Variants in ISG20L2 observed in about 807,000 individuals in gnomAD.
ISG20L2 encodes the protein interferon-stimulated 20 kDa exonuclease-like 2.
In ISG20L2, 14 loss-of-function variants were observed where a neutral mutation model predicts 27.8. The ratio of observed to expected loss-of-function variants is 0.50; its 90% confidence interval spans 0.33 to 0.79. ISG20L2 has a LOEUF of 0.79. Among genes scored for constraint, ISG20L2 ranks in the 30% least tolerant of loss-of-function variants. The pLI, the probability that ISG20L2 is intolerant of heterozygous loss-of-function variation, is 0.02. For missense variants in ISG20L2, 393 were observed against 435.1 expected, an observed-to-expected ratio of 0.90 and a Z score of 0.86; for synonymous variants, 157 against 165.7, an observed-to-expected ratio of 0.95 and a Z score of 0.40.
At chr1:156,726,865 C>T (rs1454780519) in intron 2 of ISG20L2, 41 bp downstream of exon 2, 3 of 1,578,350 alleles carry the variant, frequency 1.9e-6, no homozygotes, top group Non-Finnish European at 2.6e-6. Flanking sequence ...AGACCTCTCT[C>T]CATCCACCTC....
chr1:156,724,543 G>A, intron 2 of ISG20L2, 195 bp from the exon 3 acceptor site: 1 of 1,394,538 alleles, frequency 7.2e-7, no homozygotes, highest in Non-Finnish European at 9.3e-7. Flanking sequence ...TGATTTCCAT[G>A]GTATACCCTG....
intron 2 of ISG20L2, chr1:156,725,350 C>A (rs1648706231): frequency 6.6e-6 from 1 of 152,214 alleles, no homozygotes; most frequent in African/African-American, 2.4e-5. Context: ...ACCTCAAACT[C>A]CTGAGTAGCT....
chr1:156,727,229 G>A lies in ISG20L2; in HGVS notation c.424C>T (p.Gln142Ter). The A allele has an allele frequency of 1.2e-6, 2 of 1,613,972 alleles. No homozygotes were observed. The highest frequency in any genetic ancestry group is 1.1e-5 in the South Asian group (1 of 91,084). The change falls in exon 2 of 4, where the codon CAG (glutamine) becomes TAG (stop). Residue 142 changes from glutamine to a stop codon, truncating the protein, a stop_gained. Transcript: ENST00000368219. LOFTEE classifies it high-confidence loss of function. Reference protein sequence around the residue: ...HPTRSQKKSSQKKSSKKNHPQ... With the variant: ...HPTRSQKKSS ...TGGTTCTTTTTAGAGGATTTCTTCT[G>A]GGAGCTCTTCTTCTGAGAGCGGGTT...
At chr1:156,728,087 A>G in intron 1 of ISG20L2, 1 of 997,024 alleles carries the variant, frequency 1.0e-6, no homozygotes, top group Non-Finnish European at 1.2e-6. Flanking sequence ...AGGCTAGAAC[A>G]CGTGCGATCT....
chr1:156,724,391 A>G (rs1387529204), intron 2 of ISG20L2, 43 bp from the exon 3 acceptor site: 2 of 1,542,446 alleles, frequency 1.3e-6, no homozygotes, highest in East Asian at 2.3e-5. Context: ...GGAAGACTGA[A>G]GTGGAACCCC....
intron 2 of ISG20L2, chr1:156,726,433 G>GT (rs1455695904): frequency 4.7e-5 from 46 of 983,876 alleles, no homozygotes; most frequent in Admixed American, 6.2e-5. Flanking sequence ...TTTTTTGTTT[G>GT]TTTTTTTGAG....
intron 2 of ISG20L2, chr1:156,726,142 T>C: frequency 1.0e-6 from 1 of 985,458 alleles, no homozygotes; most frequent in Non-Finnish European, 1.2e-6. Flanking sequence ...CGTTCACTGG[T>C]TACCTGTTCC....
At chr1:156,726,561 CT>C (rs1427019150) in intron 2 of ISG20L2, 8 of 795,384 alleles carry the variant, frequency 1.0e-5, no homozygotes, top group Non-Finnish European at 1.2e-5. Flanking sequence ...ACTTGGCTAA[CT>C]TTTTTGTAGA....
rs891047620 is a variant in ISG20L2, at chr1:156,728,727, G to T, written c.-430C>A. On this transcript the variant is annotated 5_prime_UTR_variant, in exon 1 of 4. Transcript: ENST00000368219. ...CGATAAACCGGAACTGCAGCCCGCC[G>T]GACACCTCCGGCTTCACTTCCGTAA... 230 of 999,936 alleles carry T rather than the reference G, an allele frequency of 2.3e-4. No individual in the cohort carries two copies. The highest frequency in any genetic ancestry group is 2.5e-4 in the Non-Finnish European group (208 of 839,046). The allele number at this position is 999,936 out of a possible 1,614,324, so 61.9% of individuals were successfully genotyped here.
In ISG20L2 at chr1:156,727,390, G is replaced by A. The variant is rs985276730; in HGVS notation, c.263C>T (p.Ser88Leu). Residue 88 changes from serine (S) to leucine (L), a missense_variant, in exon 2 of 4, where the codon TCA becomes TTA. By Grantham distance (145) the Ser-to-Leu change is moderately radical. Transcript: ENST00000368219. ...KKKTAASSNG[S>L]GQPLDKKAAV... The stretch of plus-strand genomic sequence containing the variant: ...AGCTTTCTTGTCCAGGGGCTGTCCT[G>A]ACCCATTGCTGGAAGCAGCTGTCTT... 6.2e-7 allele frequency: 1 copy of A among 1,614,182 alleles called. No homozygotes were observed. Among genetic ancestry groups the A allele is most frequent in the Non-Finnish European group, 8.5e-7 (1 of 1,180,030 alleles).
chr1:156,724,369 G>A (rs1214413117), intron 2 of ISG20L2, 21 bp from the exon 3 acceptor site: 2 of 1,589,502 alleles, frequency 1.3e-6, no homozygotes, highest in Admixed American at 3.4e-5. Flanking sequence ...TGTGGGAAGA[G>A]AGTGGTGAGA....
intron 3 of ISG20L2, chr1:156,723,898 G>A: frequency 7.6e-7 from 1 of 1,324,286 alleles, no homozygotes; most frequent in Non-Finnish European, 9.7e-7. Flanking sequence ...GACCACCACT[G>A]CTACCTGCTT....
At position 156,728,539 on chromosome 1, in the gene ISG20L2, C is replaced by CCCGCA; in HGVS notation, c.-247_-243dup. The CCCGCA allele has an allele frequency of 1.0e-6, 1 of 985,658 alleles. No homozygotes were observed. Among genetic ancestry groups the CCCGCA allele is most frequent in the Non-Finnish European group, 1.2e-6 (1 of 829,922 alleles). The allele number at this position is 985,658 out of a possible 1,614,324, so 61.1% of individuals were successfully genotyped here. On this transcript the variant is annotated 5_prime_UTR_variant, in exon 1 of 4. Transcript: ENST00000368219. Reference sequence around the variant, plus strand: ...CGCGCCAGAGGTCGGCGCGCGCACACCCGCACCGCCCCGACCCCAGGTAGT... The same window carrying CCCGCA: ...CGCGCCAGAGGTCGGCGCGCGCACACCCGCACCGCACCGCCCCGACCCCAGGTAGT...
At position 156,727,391 on chromosome 1, in the gene ISG20L2, A is replaced by T. The variant is rs747722488; in HGVS notation, c.262T>A (p.Ser88Thr). ...KKKTAASSNG[S>T]GQPLDKKAAV... ...GCTTTCTTGTCCAGGGGCTGTCCTGACCCATTGCTGGAAGCAGCTGTCTTC... is the reference window on the plus strand; with the variant it reads ...GCTTTCTTGTCCAGGGGCTGTCCTGTCCCATTGCTGGAAGCAGCTGTCTTC... Residue 88 changes from serine (S) to threonine (T), a missense_variant, in exon 2 of 4, where the codon TCA (serine) becomes ACA (threonine). Transcript: ENST00000368219. The T allele has an allele frequency of 1.0e-4, 165 of 1,613,982 alleles. No individual in the cohort carries two copies. The highest frequency in any genetic ancestry group is 1.3e-4 in the Non-Finnish European group (159 of 1,180,022).
chr1:156,725,706 C>G, intron 2 of ISG20L2: 2 of 201,612 alleles, frequency 9.9e-6, no homozygotes, highest in Non-Finnish European at 8.8e-6. Flanking sequence ...TCTTATTAAC[C>G]TCGACATATA....
At chr1:156,726,753 C>T in intron 2 of ISG20L2, 153 bp downstream of exon 2, 1 of 985,440 alleles carries the variant, frequency 1.0e-6, no homozygotes, top group Middle Eastern at 5.2e-4. Flanking sequence ...ACTGCTTCTT[C>T]CACCGACAGG....
At chr1:156,724,551 C>G in intron 2 of ISG20L2, 1 of 1,373,970 alleles carries the variant, frequency 7.3e-7, no homozygotes, top group East Asian at 2.7e-5. Flanking sequence ...ATGGTATACC[C>G]TGTTTGGACT....
Position 156,727,458 on chromosome 1 carries a change from A to G in ISG20L2, c.195T>C (p.Pro65=). 1.9e-6 allele frequency: 3 copies of G among 1,613,974 alleles called. No individual in the cohort carries two copies. The highest frequency in any genetic ancestry group is 2.5e-6 in the Non-Finnish European group (3 of 1,179,984). Residue 65 remains proline (P), a synonymous_variant, in exon 2 of 4, where the codon CCT becomes CCC. Transcript: ENST00000368219. Reference sequence around the variant, plus strand: ...GGGTCTTCCAAGTGCCATCGACCGTAGGAGTTTCCCCTTTCTTTGAAGGTT... The same window carrying G: ...GGGTCTTCCAAGTGCCATCGACCGTGGGAGTTTCCCCTTTCTTTGAAGGTT... ...HSEPSKKGET[P]TVDGTWKTPS...
At position 156,727,518 on chromosome 1, in the gene ISG20L2, G is replaced by C. The variant is rs1481442327; in HGVS notation, c.135C>G (p.Asn45Lys). 1 of 1,614,118 alleles carries C rather than the reference G, an allele frequency of 6.2e-7. No individual in the cohort carries two copies. The highest frequency in any genetic ancestry group is 1.7e-5 in the Admixed American group (1 of 60,020). The change falls in exon 2 of 4, where the codon AAC (asparagine) becomes AAG (lysine). Residue 45 changes from asparagine to lysine, a missense_variant. This residue lies in a region of ISG20L2 where 183 missense variants were observed against 168.2 expected (regional missense o/e 1.09). Coordinates refer to ENST00000368219, the MANE Select transcript of ISG20L2 (RefSeq NM_001370150.2). ...ACTTAGGCGCCTTGCTAGGGGGTTGGTTCTTTTTACTCAGAAAGCCTCTCC... is the reference window on the plus strand; with the variant it reads ...ACTTAGGCGCCTTGCTAGGGGGTTGCTTCTTTTTACTCAGAAAGCCTCTCC... ...LERRGFLSKK[N>K]QPPSKAPKLH...
Sources: allele counts gnomAD v4.1 joint callset, GRCh38; gene constraint gnomAD v4.1.1; regional missense constraint gnomAD v4.1.1; transcripts MANE v1.5; gene names NCBI Gene and HGNC (gene_info 2026-07-23, HGNC 2026-07-21).